The following CP variants were observed in gnomAD, a reference collection of about 807,000 sequenced individuals.
CP encodes caeruloplasmin.
In CP, 64 loss-of-function variants were observed where a neutral mutation model predicts 122.4. The ratio of observed to expected loss-of-function variants is 0.52; its 90% CI spans 0.43 to 0.64. The LOEUF is 0.64. Ranked by LOEUF, CP falls within the 30% of genes least tolerant of loss-of-function variation. The probability of loss-of-function intolerance (pLI) is 0.00; values close to 1 mark genes in which losing one functional copy is unlikely to be tolerated. For synonymous variants in CP, 440 were observed against 436.4 expected (o/e 1.01, Z -0.10); for missense variants, 1,167 against 1,284.4 (o/e 0.91, Z 1.40).
At chr3:149,164,801 T>C (rs979348921) in intron 5 of CP, among the ~76,000 whole-genome samples, 9 of 152,218 alleles carry the variant, frequency 5.9e-5, no homozygotes, top group Non-Finnish European at 1.2e-4. Flanking sequence ...ATCATCTTTG[T>C]GGCATCCTGA....
intron 11 of CP, chr3:149,186,302 GTTCTTT>G: frequency 1.7e-6 from 1 of 586,780 alleles, no homozygotes; most frequent in Non-Finnish European, 3.0e-6. Flanking sequence ...ACCACACCAT[GTTCTTT>G]TACTCCACAT....
intron 5 of CP, among the ~76,000 whole-genome samples, chr3:149,206,707 G>A (rs1727751991): frequency 6.6e-6 from 1 of 152,114 alleles, no homozygotes; most frequent in African/African-American, 2.4e-5. Flanking sequence ...GGGTGGAGGA[G>A]GAGGTACAAG....
chr3:149,166,594 A>G (rs1193448304), intron 4 of CP, among the ~76,000 whole-genome samples: 2 of 152,132 alleles, frequency 1.3e-5, no homozygotes, highest in Non-Finnish European at 2.9e-5. Flanking sequence ...GTAATGTTCC[A>G]TTATCTGAGT....
chr3:149,202,196 G>A lies in CP; in HGVS notation c.1254C>T (p.Gly418=), dbSNP rs1057510562. Reference sequence around the variant, plus strand: ...CACGATAAACCAGCTTTTTATAAGAGCCTCCAATTCTTGTGGTACCTTGTT... The same window carrying A: ...CACGATAAACCAGCTTTTTATAAGAACCTCCAATTCTTGTGGTACCTTGTT... The part of the protein sequence containing the change: ...FFEQGTTRIG[G]SYKKLVYREY... Residue 418 remains glycine, a synonymous_variant, in exon 7 of 19, where the codon GGC becomes GGT. Coordinates refer to ENST00000264613, the MANE Select transcript of CP (RefSeq NM_000096.4). The A allele has an allele frequency of 1.9e-6, 3 of 1,614,176 alleles. No homozygotes were observed. The highest frequency in any genetic ancestry group is 1.7e-6 in the Non-Finnish European group (2 of 1,180,020).
chr3:149,194,066 C>T (rs1390225328), intron 9 of CP, among the ~76,000 whole-genome samples: 5 of 152,052 alleles, frequency 3.3e-5, no homozygotes, highest in Non-Finnish European at 5.9e-5. Context: ...CATAGCCTCT[C>T]GTGTTGTTGC....
At chr3:149,166,126 G>T in intron 4 of CP, 1 of 405,914 alleles carries the variant, frequency 2.5e-6, no homozygotes. Context: ...AAGGGAAAGT[G>T]GAGATTATTT....
At chr3:149,190,656 TAAAAAAAAAAAAA>T (rs146345788) in intron 9 of CP, among the ~76,000 whole-genome samples, 1 of 64,116 alleles carries the variant, frequency 1.6e-5, no homozygotes, top group African/African-American at 4.6e-5. Context: ...AGACTCTGTC[TAAAAAAAAAAAAA>T]AAAAAAAAAG....
chr3:149,163,125 C>T (rs944971408), intron 5 of CP, among the ~76,000 whole-genome samples: 3 of 152,194 alleles, frequency 2.0e-5, no homozygotes, highest in Admixed American at 6.5e-5. Flanking sequence ...AGTGGTAGCT[C>T]AGTTGCCAAA....
downstream of CP, among the ~76,000 whole-genome samples, chr3:149,169,108 A>C (rs185242958): frequency 6.6e-6 from 1 of 151,898 alleles, no homozygotes; most frequent in African/African-American, 2.4e-5. Context: ...ATTAGACTGT[A>C]ATACCTCAAG....
intron 7 of CP, among the ~76,000 whole-genome samples, chr3:149,200,796 C>T (rs1490113209): frequency 6.6e-6 from 1 of 152,084 alleles, no homozygotes; most frequent in Non-Finnish European, 1.5e-5. Flanking sequence ...AGGCATGAGC[C>T]ACCGCGCCCA....
intron 9 of CP, 53 bp from the exon 10 acceptor site, chr3:149,188,255 TC>T (rs746488227): frequency 5.4e-6 from 8 of 1,476,154 alleles, no homozygotes; most frequent in Non-Finnish European, 6.6e-6. Context: ...GCAGAAGACT[TC>T]CATGTGCACA....
rs550931974 is a variant in CP at position 149,174,471 on chromosome 3, C to T, written c.3182-741G>A. ...GGAGATAGGGAAAAGAATGAGAAAG[C>T]CAATGTGGCTACGCACATCATTAAT... is the stretch of plus-strand genomic sequence containing the variant. On this transcript the variant is annotated intron_variant, in intron 18 of 18. Coordinates refer to ENST00000264613, the MANE Select transcript of CP (RefSeq NM_000096.4). Among the ~76,000 whole-genome samples the T allele has an allele frequency of 2.6e-5, 4 of 152,148 alleles. No individual in the cohort carries two copies. In the East Asian group the frequency reaches 7.7e-4, roughly 29 times the overall value.
downstream of CP, among the ~76,000 whole-genome samples, chr3:149,170,146 T>G (rs1348538043): frequency 6.6e-6 from 1 of 152,180 alleles, no homozygotes; most frequent in Admixed American, 6.5e-5. Flanking sequence ...TGAAAGTGCT[T>G]TATTAATTTT....
chr3:149,187,897 T>A, intron 10 of CP, 155 bp downstream of exon 10: 1 of 747,032 alleles, frequency 1.3e-6, no homozygotes, highest in Non-Finnish European at 2.3e-6. Flanking sequence ...GACAGACACA[T>A]CAAATAACCA....
At chr3:149,178,746 CT>C in intron 15 of CP, 115 bp from the exon 16 acceptor site, 1 of 760,364 alleles carries the variant, frequency 1.3e-6, no homozygotes, top group Non-Finnish European at 2.2e-6. Context: ...AAGTAACAGA[CT>C]TTGCCCAATG....
intron 18 of CP, among the ~76,000 whole-genome samples, chr3:149,175,664 A>AGTGTGT (rs60005904): frequency 3.4e-4 from 50 of 145,668 alleles, no homozygotes; most frequent in East Asian, 1.2e-3. Flanking sequence ...CTCCATTTTA[A>AGTGTGT]GTGTGTGTGT....
chr3:149,201,581 TTTTG>T (rs772562982), intron 7 of CP, among the ~76,000 whole-genome samples: 10 of 151,856 alleles, frequency 6.6e-5, no homozygotes, highest in East Asian at 5.9e-4. Context: ...CAGCATGGGT[TTTTG>T]TTTGTTTGTT....
chr3:149,214,456 C>G (rs1728326087), intron 1 of CP, among the ~76,000 whole-genome samples: 1 of 152,106 alleles, frequency 6.6e-6, no homozygotes. Flanking sequence ...AACCCGAATT[C>G]CCAAAGAAGA....
rs1490568377 is a variant in CP, at chr3:149,199,789, A to G, written c.1424T>C (p.Ile475Thr). The G allele has an allele frequency of 1.2e-6, 2 of 1,614,036 alleles. No homozygotes were observed. Among genetic ancestry groups the G allele is most frequent in the Non-Finnish European group, 1.7e-6 (2 of 1,179,998 alleles). Residue 475 changes from isoleucine (I) to threonine (T), a missense_variant, in exon 8 of 19, where the codon ATT becomes ACT. Transcript: ENST00000264613. The stretch of plus-strand genomic sequence containing the variant: ...ATTGAATCTCACCCCAATCGGCTCA[A>G]TACTGAGGGGATATGCTCCTTTGTT... ...FHNKGAYPLSIEPIGVRFNKN... is the reference protein window; with the variant it reads ...FHNKGAYPLSTEPIGVRFNKN...
Sources: allele counts gnomAD v4.1 joint callset (sites outside exome capture counted in the v4.1 genomes callset), GRCh38; gene constraint gnomAD v4.1.1; transcripts MANE v1.5; gene names NCBI Gene and HGNC (gene_info 2026-07-23, HGNC 2026-07-21).